The following EYA2 variants were observed in gnomAD, a reference collection of about 807,000 sequenced individuals.
The protein encoded by EYA2 is EYA transcriptional coactivator and phosphatase 2.
A neutral mutation model predicts 69.2 loss-of-function variants in EYA2; 31 were observed. That is an observed-to-expected ratio of 0.45 (90% CI 0.34 to 0.60). The LOEUF is 0.60. Ranked by LOEUF, EYA2 falls within the 20% of genes least tolerant of loss-of-function variation. EYA2 has a pLI of 0.02. For synonymous variants in EYA2, 257 were observed against 279.4 expected (o/e 0.92, Z 0.80); for missense variants, 622 against 701.2 (o/e 0.89, Z 1.28).
At chr20:47,068,902 C>A (rs1161267755) in intron 5 of EYA2, among the ~76,000 whole-genome samples, 1 of 152,282 alleles carries the variant, frequency 6.6e-6, no homozygotes, top group East Asian at 1.9e-4. Context: ...TTCTAACCAG[C>A]AACTAGTGTG....
At chr20:47,180,066 T>C in intron 13 of EYA2, 154 bp downstream of exon 13, 2 of 604,982 alleles carry the variant, frequency 3.3e-6, no homozygotes, top group South Asian at 2.1e-5. Context: ...GGAGTCTCAC[T>C]CTGTCGCCCA....
At chr20:47,130,600 A>G (rs1780595383) in intron 9 of EYA2, among the ~76,000 whole-genome samples, 1 of 152,026 alleles carries the variant, frequency 6.6e-6, no homozygotes, top group African/African-American at 2.4e-5. Flanking sequence ...GTATTTCAGT[A>G]TGTAAATGCT....
intron 5 of EYA2, among the ~76,000 whole-genome samples, chr20:47,062,532 A>G (rs1186354186): frequency 1.3e-5 from 2 of 152,182 alleles, no homozygotes; most frequent in African/African-American, 4.8e-5. Context: ...TTCCCAAGGT[A>G]CATGTAGCGG....
intron 5 of EYA2, among the ~76,000 whole-genome samples, chr20:47,045,653 CTT>C (rs1396697402): frequency 6.6e-6 from 1 of 152,248 alleles, no homozygotes; most frequent in Non-Finnish European, 1.5e-5. Context: ...TTCCTCAACT[CTT>C]TTCATATCCG....
rs138608643 is a variant in EYA2, at chr20:47,056,646, A to G, written c.416-15539A>G. Among the ~76,000 whole-genome samples the G allele has an allele frequency of 4.0e-3, 613 of 152,296 alleles. 6 individuals carry two copies. Among genetic ancestry groups the G allele is most frequent in the African/African-American group, 0.014 (576 of 41,560 alleles). The stretch of plus-strand genomic sequence containing the variant: ...GCTTAGAAAGTTCAACCATGTGTCC[A>G]TAGTTATCAGGGAAAATCATGAGTT... On this transcript the variant is annotated intron_variant, in intron 5 of 15. Transcript: ENST00000327619.
chr20:47,056,262 T>C (rs2030603827), intron 5 of EYA2, among the ~76,000 whole-genome samples: 4 of 152,240 alleles, frequency 2.6e-5, no homozygotes, highest in East Asian at 1.9e-4. Context: ...GCAAGGCAGA[T>C]GTGGACCAGG....
At chr20:46,938,921 C>T (rs139792707) in intron 1 of EYA2, among the ~76,000 whole-genome samples, 223 of 152,308 alleles carry the variant, frequency 1.5e-3, no homozygotes, top group Middle Eastern at 3.4e-3. Context: ...TATGACCACA[C>T]ATTAATACTG....
chr20:47,100,818 A>G (rs2032402925), intron 9 of EYA2, among the ~76,000 whole-genome samples: 1 of 152,230 alleles, frequency 6.6e-6, no homozygotes, highest in Non-Finnish European at 1.5e-5. Flanking sequence ...GACCCAAAAT[A>G]ATTGTGACTT....
intron 5 of EYA2, among the ~76,000 whole-genome samples, chr20:47,018,581 G>A (rs940700887): frequency 8.5e-5 from 13 of 152,262 alleles, no homozygotes; most frequent in African/African-American, 3.1e-4. Context: ...GGCTGCCACA[G>A]GAGGGGCCAG....
chr20:47,050,168 G>A (rs748450225), intron 5 of EYA2, among the ~76,000 whole-genome samples: 18 of 152,166 alleles, frequency 1.2e-4, no homozygotes, highest in Admixed American at 3.3e-4. Context: ...AAGGAGTCTC[G>A]TAGAAATCTG....
Position 47,057,521 on chromosome 20 carries a change from C to G in EYA2, c.416-14664C>G, listed in dbSNP as rs959596485. The stretch of plus-strand genomic sequence containing the variant: ...CTACTTTTTATATCACCCCCCCCCC[C>G]CATCTCATACCTCCAGACCTTTTCC... On this transcript the variant is annotated intron_variant, in intron 5 of 15. Coordinates refer to ENST00000327619, the MANE Select transcript of EYA2 (RefSeq NM_005244.5). 4.6e-5 allele frequency among the ~76,000 whole-genome samples: 7 copies of G among 150,950 alleles called. No homozygotes were observed. In the East Asian group the frequency reaches 5.9e-4, roughly 13 times the overall value.
At chr20:47,114,540 A>G (rs1010872882) in intron 9 of EYA2, among the ~76,000 whole-genome samples, 5 of 152,206 alleles carry the variant, frequency 3.3e-5, no homozygotes, top group Non-Finnish European at 5.9e-5. Context: ...ACTTGAACCC[A>G]GGAGATGGAT....
intron 5 of EYA2, among the ~76,000 whole-genome samples, chr20:47,071,119 C>T (rs931340354): frequency 6.6e-6 from 1 of 152,172 alleles, no homozygotes; most frequent in Non-Finnish European, 1.5e-5. Context: ...AAGCAGTTCT[C>T]CTGCCTCAGC....
chr20:47,175,896 A>G (rs1459544880), intron 12 of EYA2, among the ~76,000 whole-genome samples: 1 of 152,224 alleles, frequency 6.6e-6, no homozygotes, highest in Non-Finnish European at 1.5e-5. Context: ...TAATGAGAAG[A>G]TGGGACATGT....
chr20:47,132,508 G>A (rs571529408), intron 9 of EYA2, among the ~76,000 whole-genome samples: 2 of 152,296 alleles, frequency 1.3e-5, no homozygotes, highest in South Asian at 2.1e-4. Context: ...AAATCCTCAG[G>A]AGCCCTGGAA....
chr20:46,906,201 T>G (rs953924968), intron 1 of EYA2, among the ~76,000 whole-genome samples: 11 of 152,246 alleles, frequency 7.2e-5, no homozygotes, highest in Non-Finnish European at 1.6e-4. Flanking sequence ...AAGTAATTGA[T>G]AGCAAAAGTG....
intron 5 of EYA2, among the ~76,000 whole-genome samples, chr20:47,064,276 C>T (rs962309752): frequency 5.9e-5 from 9 of 152,168 alleles, no homozygotes. Context: ...ATAATGTTTT[C>T]AAAGGTCATC....
intron 2 of EYA2, among the ~76,000 whole-genome samples, chr20:46,990,464 C>G (rs1222164566): frequency 2.0e-5 from 3 of 152,220 alleles, no homozygotes; most frequent in Admixed American, 1.3e-4. Context: ...GCTCTGAGCT[C>G]TGTCCTCTCT....
At chr20:46,953,875 G>A (rs1568684863) in intron 1 of EYA2, among the ~76,000 whole-genome samples, 1 of 152,198 alleles carries the variant, frequency 6.6e-6, no homozygotes, top group East Asian at 1.9e-4. Context: ...GGATGACCAT[G>A]CCACTCTCCT....
Sources: allele counts gnomAD v4.1 joint callset (sites outside exome capture counted in the v4.1 genomes callset), GRCh38; gene constraint gnomAD v4.1.1; transcripts MANE v1.5; gene names NCBI Gene and HGNC (gene_info 2026-07-23, HGNC 2026-07-21).